The following MET variants were observed in gnomAD, a reference collection of about 807,000 sequenced individuals.
MET encodes the protein hepatocyte growth factor receptor.
In MET, 48 loss-of-function variants were observed where a neutral mutation model predicts 133.1. The ratio of observed to expected loss-of-function variants is 0.36; its 90% CI spans 0.29 to 0.46. The LOEUF is 0.46. Ranked by LOEUF, MET falls within the 20% of genes least tolerant of loss-of-function variation. MET has a pLI of 1.00. For synonymous variants in MET, 628 were observed against 616.5 expected, an observed-to-expected ratio of 1.02 and a Z score of -0.28; for missense variants, 1,442 against 1,695.9, an observed-to-expected ratio of 0.85 and a Z score of 2.63.
chr7:116,706,821 G>A (rs1791812191), intron 2 of MET, among the ~76,000 whole-genome samples: 1 of 151,510 alleles, frequency 6.6e-6, no homozygotes, highest in South Asian at 2.1e-4. Context: ...ACTGTAAAGT[G>A]CTCGTTATCA....
At chr7:116,755,770 G>A (rs1446221027) in intron 6 of MET, among the ~76,000 whole-genome samples, 4 of 152,110 alleles carry the variant, frequency 2.6e-5, no homozygotes, top group African/African-American at 2.4e-5. Flanking sequence ...CCATTTATGC[G>A]ACAAGTCTTC....
At chr7:116,777,491 C>A (rs2117040673) in intron 16 of MET, 22 bp downstream of exon 16, 1 of 1,607,772 alleles carries the variant, frequency 6.2e-7, no homozygotes, top group Non-Finnish European at 8.5e-7. Context: ...TTTATTTAAC[C>A]ATGGAGTATA....
In MET at chr7:116,778,949, G is replaced by C. The variant is rs2117048338; in HGVS notation, c.3514G>C (p.Glu1172Gln). The C allele has an allele frequency of 6.2e-7, 1 of 1,613,748 alleles. No individual in the cohort carries two copies. Among genetic ancestry groups the C allele is most frequent in the Non-Finnish European group, 8.5e-7 (1 of 1,179,900 alleles). ...HGDLRNFIRN[E>Q]THNPTVKDLI... ...AGATCTTCGAAATTTCATTCGAAAT[G>C]AGACTCATGTAAGTTGACTGCCAAG... The change falls in exon 17 of 21, where the codon GAG becomes CAG. Residue 1172 changes from glutamate (E) to glutamine (Q), a missense_variant. Transcript: ENST00000397752.
At chr7:116,750,296 A>T (rs911838696) in intron 5 of MET, among the ~76,000 whole-genome samples, 1 of 152,226 alleles carries the variant, frequency 6.6e-6, no homozygotes, top group Admixed American at 6.5e-5. Flanking sequence ...CAACCATCTG[A>T]TCTTTTACAA....
Position 116,796,230 on chromosome 7 carries a change from T to A in MET, c.*106T>A, listed in dbSNP as rs1795673197. Reference sequence around the variant, plus strand: ...TTCTTTGCTCTTGCCAAAATTGCACTATTATAGGACTTGTATTGTTATTTA... The same window carrying A: ...TTCTTTGCTCTTGCCAAAATTGCACAATTATAGGACTTGTATTGTTATTTA... On this transcript the variant is annotated 3_prime_UTR_variant, in exon 21 of 21. Transcript: ENST00000397752. 3 of 984,806 alleles carry A rather than the reference T, an allele frequency of 3.0e-6. No homozygotes were observed. Among genetic ancestry groups the A allele is most frequent in the Non-Finnish European group, 4.8e-6 (3 of 618,774 alleles). The allele number at this position is 984,806 out of a possible 1,614,324, so 61.0% of individuals were successfully genotyped here. A position where few individuals can be genotyped will look rare whatever the true frequency, so the allele number is the denominator to read the frequency against.
chr7:116,732,727 G>C (rs1793066615), intron 3 of MET, among the ~76,000 whole-genome samples: 1 of 152,154 alleles, frequency 6.6e-6, no homozygotes, highest in African/African-American at 2.4e-5. Context: ...AACCAACTGA[G>C]AATGATAAGC....
At chr7:116,677,947 C>G (rs1420550735) in intron 1 of MET, among the ~76,000 whole-genome samples, 1 of 151,992 alleles carries the variant, frequency 6.6e-6, no homozygotes, top group Non-Finnish European at 1.5e-5. Context: ...TCAGGATAAA[C>G]TCCCCCTTTG....
chr7:116,782,669 G>A (rs1388391125), intron 18 of MET, among the ~76,000 whole-genome samples: 4 of 152,230 alleles, frequency 2.6e-5, no homozygotes, highest in Admixed American at 1.3e-4. Context: ...ATGAAAAAGG[G>A]TGTGCTATTA....
intron 19 of MET, among the ~76,000 whole-genome samples, 185 bp downstream of exon 19, chr7:116,783,654 C>G (rs1382212168): frequency 6.6e-6 from 1 of 152,100 alleles, no homozygotes; most frequent in East Asian, 1.9e-4. Flanking sequence ...CTCATTTGTT[C>G]AAAAATATTT....
At chr7:116,698,198 T>TTAAGTTTTAAATACTGAA (rs2116572877) in intron 1 of MET, among the ~76,000 whole-genome samples, 1 of 152,352 alleles carries the variant, frequency 6.6e-6, no homozygotes, top group South Asian at 2.1e-4. Context: ...CTTGTGCACC[T>TTAAGTTTTAAATACTGAA]TAAGTTTTAA....
intron 5 of MET, among the ~76,000 whole-genome samples, chr7:116,754,019 T>G (rs1292911013): frequency 6.6e-6 from 1 of 152,154 alleles, no homozygotes; most frequent in Non-Finnish European, 1.5e-5. Context: ...CCTGTAGTCC[T>G]GTCTACTAGA....
intron 1 of MET, among the ~76,000 whole-genome samples, chr7:116,692,431 T>G (rs1796808743): frequency 1.3e-5 from 2 of 152,228 alleles, no homozygotes; most frequent in African/African-American, 4.8e-5. Flanking sequence ...AATCGGTGTT[T>G]GAATGCAATA....
At chr7:116,703,334 A>C (rs1399845684) in intron 2 of MET, among the ~76,000 whole-genome samples, 2 of 152,138 alleles carry the variant, frequency 1.3e-5, no homozygotes, top group African/African-American at 4.8e-5. Context: ...GAGATTATAC[A>C]CCCACAAATA....
intron 2 of MET, among the ~76,000 whole-genome samples, chr7:116,711,491 T>C (rs1171613576): frequency 6.6e-6 from 1 of 152,236 alleles, no homozygotes; most frequent in Non-Finnish European, 1.5e-5. Flanking sequence ...CATAATCTAA[T>C]TCAGTCTTGT....
rs1203041185 is a variant in MET, at chr7:116,796,298, G to A, written c.*174G>A. On this transcript the variant is annotated 3_prime_UTR_variant, in exon 21 of 21. Coordinates refer to ENST00000397752, the MANE Select transcript of MET (RefSeq NM_000245.4). ...GAATTTCTTATCTGACAGAGCATCA[G>A]AACCAGAGGCTTGGTCCCACAGGCC... 2 of 680,224 alleles carry A rather than the reference G, an allele frequency of 2.9e-6. No individual in the cohort carries two copies. Among genetic ancestry groups the A allele is most frequent in the Non-Finnish European group, 5.1e-6 (2 of 391,550 alleles). 42.1% of individuals were successfully genotyped at this position (680,224 alleles called of 1,614,324 possible).
In MET at chr7:116,699,798, A is replaced by G; in HGVS notation, c.714A>G (p.Leu238=). 1 of 1,614,124 alleles carries G rather than the reference A, an allele frequency of 6.2e-7. No homozygotes were observed. The highest frequency in any genetic ancestry group is 1.7e-5 in the Admixed American group (1 of 60,020). ...CGGACCAGTCCTACATTGATGTTTTACCTGAGTTCAGAGATTCTTACCCCA... is the reference window on the plus strand; with the variant it reads ...CGGACCAGTCCTACATTGATGTTTTGCCTGAGTTCAGAGATTCTTACCCCA... ...FLTDQSYIDV[L]PEFRDSYPIK... is the part of the protein sequence containing the mutation. The change falls in exon 2 of 21, where the codon TTA becomes TTG. Residue 238 remains leucine (L), a synonymous_variant. Coordinates refer to ENST00000397752, the MANE Select transcript of MET (RefSeq NM_000245.4).
At chr7:116,780,436 G>A (rs968342603) in intron 17 of MET, among the ~76,000 whole-genome samples, 7 of 152,108 alleles carry the variant, frequency 4.6e-5, no homozygotes, top group Admixed American at 3.3e-4. Flanking sequence ...CAGATAAGGC[G>A]AATTGACCTT....
Position 116,701,314 on chromosome 7 carries a change from C to T in MET, c.1200+1030C>T, listed in dbSNP as rs58668564. ...ACTTTGGCATGGTATGTTTCACTTA[C>T]TTTAACAGGTTTCAATCTAAGATAT... On this transcript the variant is annotated intron_variant, in intron 2 of 20. Transcript: ENST00000397752. Among the ~76,000 whole-genome samples the T allele has an allele frequency of 3.4e-4, 52 of 152,188 alleles. No individual in the cohort carries two copies. In the Middle Eastern group the frequency reaches 0.017, roughly 50 times the overall value.
chr7:116,713,023 T>C (rs2116665292), intron 2 of MET, among the ~76,000 whole-genome samples: 1 of 152,272 alleles, frequency 6.6e-6, no homozygotes, highest in South Asian at 2.1e-4. Flanking sequence ...AGATACCCCC[T>C]TGAAACTTTC....
Sources: gnomAD v4.1 joint callset for allele counts (sites outside exome capture counted in the v4.1 genomes callset) on GRCh38, gnomAD v4.1.1 for gene constraint, MANE v1.5 for transcripts, NCBI Gene and HGNC (gene_info 2026-07-23, HGNC 2026-07-21) for gene names.